The following HYAL3 variants were observed in gnomAD, a reference collection of about 807,000 sequenced individuals.
HYAL3 encodes hyaluronidase-3.
A neutral mutation model predicts 29.6 loss-of-function variants in HYAL3; 25 were observed. That is an observed-to-expected ratio of 0.85 (90% CI 0.62 to 1.18). The LOEUF is 1.18. HYAL3 is among the 50% of genes most tolerant of loss of function. The probability of loss-of-function intolerance (pLI) is 0.00; values close to 1 mark genes in which losing one functional copy is unlikely to be tolerated. For synonymous variants in HYAL3, 215 were observed against 218.3 expected, an observed-to-expected ratio of 0.99 and a Z score of 0.13; for missense variants, 442 against 548.4, an observed-to-expected ratio of 0.81 and a Z score of 1.94.
chr3:50,294,239 G>A (rs1436069180), intron 2 of HYAL3, among the ~76,000 whole-genome samples: 4 of 152,142 alleles, frequency 2.6e-5, no homozygotes, highest in East Asian at 1.9e-4. Flanking sequence ...AGTGAAGGCC[G>A]CAGTGAGCTG....
At chr3:50,294,661 A>G (rs782368343) in intron 2 of HYAL3, 48 bp downstream of exon 2, 422 of 1,444,548 alleles carry the variant, frequency 2.9e-4, no homozygotes, top group Non-Finnish European at 3.8e-4. Context: ...TTCCTAGAAC[A>G]GGGCCATACC....
In HYAL3 at chr3:50,295,224, C is replaced by G; in HGVS notation, c.379G>C (p.Asp127His). The G allele has an allele frequency of 1.9e-6, 3 of 1,613,800 alleles. No homozygotes were observed. Among genetic ancestry groups the G allele is most frequent in the Non-Finnish European group, 2.5e-6 (3 of 1,180,048 alleles). The change falls in exon 2 of 4, where the codon GAT (aspartate) becomes CAT (histidine). Residue 127 changes from aspartate to histidine, a missense_variant. Coordinates refer to ENST00000336307, the MANE Select transcript of HYAL3 (RefSeq NM_003549.4). ...RPGFAGPAVL[D>H]WEEWCPLWAG... is the part of the protein sequence containing the mutation. ...CAGAGTGGACACCACTCCTCCCAAT[C>G]CAGCACTGCTGGGCCAGCAAAGCCA...
In HYAL3 at chr3:50,293,095, C is replaced by A; in HGVS notation, c.*151G>T. ...TGGTTTTATAAGCGTTTTTTCTGGC[C>A]CCTTCTACCCCTCAGGGATTCCAAG... On this transcript the variant is annotated 3_prime_UTR_variant, in exon 4 of 4. Coordinates refer to ENST00000336307, the MANE Select transcript of HYAL3 (RefSeq NM_003549.4). The A allele has an allele frequency of 6.9e-7, 1 of 1,445,242 alleles. No homozygotes were observed. The allele number at this position is 1,445,242 out of a possible 1,614,324, so 89.5% of individuals were successfully genotyped here. A position where few individuals can be genotyped will look rare whatever the true frequency, so the allele number is the denominator to read the frequency against.
intron 1 of HYAL3, among the ~76,000 whole-genome samples, chr3:50,298,491 G>T (rs1701957310): frequency 2.0e-5 from 3 of 151,484 alleles, no homozygotes; most frequent in African/African-American, 7.3e-5. Flanking sequence ...ACTGGCTTGA[G>T]TTTCGCAGGC....
chr3:50,293,209 G>A lies in HYAL3; in HGVS notation c.*37C>T. 6.2e-7 allele frequency: 1 copy of A among 1,612,700 alleles called. No individual in the cohort carries two copies. The highest frequency in any genetic ancestry group is 8.5e-7 in the Non-Finnish European group (1 of 1,179,768). ...TAGTTCCAGGACTGGAAAAGTGGCA[G>A]CAGGGAAAAGAAGAGGCAGTGGCAG... On this transcript the variant is annotated 3_prime_UTR_variant, in exon 4 of 4. Transcript: ENST00000336307.
In HYAL3 at chr3:50,295,145, GC is replaced by G; in HGVS notation, c.457del (p.Ala153HisfsTer28). The G allele has an allele frequency of 6.2e-7, 1 of 1,613,530 alleles. No individual in the cohort carries two copies. Among genetic ancestry groups the G allele is most frequent in the Non-Finnish European group, 8.5e-7 (1 of 1,180,034 alleles). ...GTCCAGGTCAGGGAATACCTGCTGTGCCCAAGCCCAAGAGGCTGCCTGATAA... is the reference window on the plus strand; with the variant it reads ...GTCCAGGTCAGGGAATACCTGCTGTGCCAAGCCCAAGAGGCTGCCTGATAA... ...RAYQAASWAW[A>X]QQVFPDLDPQ... is the part of the protein sequence containing the mutation. On this transcript the variant is annotated frameshift_variant, in exon 2 of 4. Transcript: ENST00000336307. LOFTEE classifies it high-confidence loss of function.
Position 50,294,858 on chromosome 3 carries a change from G to A in HYAL3, c.745C>T (p.Pro249Ser). 1 of 1,543,918 alleles carries A rather than the reference G, an allele frequency of 6.5e-7. No homozygotes were observed. The highest frequency in any genetic ancestry group is 1.9e-5 in the Admixed American group (1 of 52,412). ...SALFPSIYLP[P>S]RLPPAHHQAF... ...TGGTGGTGGGCAGGTGGCAGCCTGG[G>A]TGGGAGGTAGATGCTGGGGAAGAGG... Residue 249 changes from proline (P) to serine (S), a missense_variant, in exon 2 of 4, where the codon CCC becomes TCC. By Grantham distance (74) the Pro-to-Ser change is moderately conservative. Transcript: ENST00000336307.
chr3:50,293,786 T>G, intron 2 of HYAL3, 65 bp from the exon 3 acceptor site: 2 of 1,303,012 alleles, frequency 1.5e-6, no homozygotes, highest in Non-Finnish European at 2.2e-6. Context: ...CACATCCACA[T>G]TCAAGAAACT....
At position 50,294,968 on chromosome 3, in the gene HYAL3, A is replaced by G. The variant is rs1553710764; in HGVS notation, c.635T>C (p.Met212Thr). ...GCAGCGGCCGGTATAGTTGGAAGCC[A>G]TACTATGCCAGCCATTGCCACAGGC... ...YPACGNGWHS[M>T]ASNYTGRCHA... Residue 212 changes from methionine (M) to threonine (T), a missense_variant, in exon 2 of 4, where the codon ATG (methionine) becomes ACG (threonine). Met to Thr is a moderately conservative substitution (Grantham distance 81, BLOSUM62 -1). Transcript: ENST00000336307. 1 of 1,612,710 alleles carries G rather than the reference A, an allele frequency of 6.2e-7. No individual in the cohort carries two copies. The highest frequency in any genetic ancestry group is 1.1e-5 in the South Asian group (1 of 91,038).
chr3:50,293,057 C>G lies in HYAL3; in HGVS notation c.*189G>C. On this transcript the variant is annotated 3_prime_UTR_variant, in exon 4 of 4. Coordinates refer to ENST00000336307, the MANE Select transcript of HYAL3 (RefSeq NM_003549.4). Reference sequence around the variant, plus strand: ...CCTTGCCATGGAGGACTCACATGATCTCAGAGGGCCTCTGGTTTTATAAGC... The same window carrying G: ...CCTTGCCATGGAGGACTCACATGATGTCAGAGGGCCTCTGGTTTTATAAGC... The G allele has an allele frequency of 7.1e-7, 1 of 1,413,614 alleles. No individual in the cohort carries two copies. The highest frequency in any genetic ancestry group is 9.8e-7 in the Non-Finnish European group (1 of 1,016,426). The allele number at this position is 1,413,614 out of a possible 1,614,324, so 87.6% of individuals were successfully genotyped here. A position where few individuals can be genotyped will look rare whatever the true frequency, so the allele number is the denominator to read the frequency against.
At chr3:50,296,513 A>AG in intron 1 of HYAL3, 1 of 1,430,034 alleles carries the variant, frequency 7.0e-7, no homozygotes. Context: ...CCCAGGGGCT[A>AG]GGGGCTGAGG....
chr3:50,297,780 G>C lies in HYAL3; in HGVS notation c.-18+1433C>G, dbSNP rs1701914303. ...CCATGCATACTGGAACTGGGGAGTG[G>C]TGGGCTGCACTTTGTCCCACACTCA... is the stretch of plus-strand genomic sequence containing the variant. On this transcript the variant is annotated intron_variant, in intron 1 of 3. Transcript: ENST00000336307. This position sits in a 1 kb window ranked among gnomAD's most constrained non-coding sequence, Gnocchi z 4.3. The C allele has an allele frequency of 8.0e-7, 1 of 1,242,544 alleles. No homozygotes were observed. Among genetic ancestry groups the C allele is most frequent in the Non-Finnish European group, 1.0e-6 (1 of 992,094 alleles). 77.0% of individuals were successfully genotyped at this position (1,242,544 alleles called of 1,614,324 possible).
rs1553710336 is a variant in HYAL3, at chr3:50,293,321, G to A, written c.1179C>T (p.Phe393=). The A allele has an allele frequency of 1.2e-6, 2 of 1,613,278 alleles. No homozygotes were observed. Among genetic ancestry groups the A allele is most frequent in the South Asian group, 1.1e-5 (1 of 91,082 alleles). The change falls in exon 4 of 4, where the codon TTC becomes TTT. Residue 393 remains phenylalanine (F), a synonymous_variant. Transcript: ENST00000336307. ...CCCAGCCCCAGTAACAGTGGCAGCT[G>A]AAGGACTTCCAATCTCCAAGGCTGC... The part of the protein sequence containing the change: ...PDGSLGDWKS[F]SCHCYWGWAG...
chr3:50,295,649 A>G, intron 1 of HYAL3, 30 bp from the exon 2 acceptor site: 2 of 1,497,684 alleles, frequency 1.3e-6, no homozygotes, highest in Non-Finnish European at 1.8e-6. Context: ...GTAAGCTTAG[A>G]GTCCGCAGCT....
Position 50,299,335 on chromosome 3 carries a change from C to T in HYAL3, c.-140G>A, listed in dbSNP as rs1702020523. ...GGCCCCCAGCGGTGCGGCGGATGTT[C>T]TGCAGCCGTCGCGTCCTGCGGCACG... On this transcript the variant is annotated 5_prime_UTR_variant, in exon 1 of 4. Coordinates refer to ENST00000336307, the MANE Select transcript of HYAL3 (RefSeq NM_003549.4). 1.3e-6 allele frequency: 2 copies of T among 1,585,594 alleles called. No individual in the cohort carries two copies. The highest frequency in any genetic ancestry group is 4.6e-5 in the East Asian group (2 of 43,468).
In HYAL3 at chr3:50,294,914, TGA is replaced by T. The variant is rs1553710740; in HGVS notation, c.687_688del (p.Gln230ThrfsTer70). On this transcript the variant is annotated frameshift_variant, in exon 2 of 4. Transcript: ENST00000336307. LOFTEE classifies it high-confidence loss of function. ...GGAGGCGGCCCAGAGCCAATGCAGT[TGA>T]GTGTTGCGGGCAAGGGTGGCTGCAT... 6 of 1,592,184 alleles carry T rather than the reference TGA, an allele frequency of 3.8e-6. No homozygotes were observed. The highest frequency in any genetic ancestry group is 1.7e-5 in the Admixed American group (1 of 59,206).
In HYAL3 at chr3:50,294,953, G is replaced by A. The variant is rs1701781220; in HGVS notation, c.650C>T (p.Thr217Ile). 3 of 1,610,462 alleles carry A rather than the reference G, an allele frequency of 1.9e-6. No homozygotes were observed. Among genetic ancestry groups the A allele is most frequent in the Middle Eastern group, 1.7e-4 (1 of 6,052 alleles). ...NGWHSMASNYTGRCHAATLAR... is the reference protein window; with the variant it reads ...NGWHSMASNYIGRCHAATLAR... ...AAGGGTGGCTGCATGGCAGCGGCCG[G>A]TATAGTTGGAAGCCATACTATGCCA... The change falls in exon 2 of 4, where the codon ACC (threonine) becomes ATC (isoleucine). Residue 217 changes from threonine (T) to isoleucine (I), a missense_variant. By Grantham distance (89) the Thr-to-Ile change is moderately conservative. Transcript: ENST00000336307.
Position 50,297,101 on chromosome 3 carries a change from C to T in HYAL3, c.-17-1482G>A. Reference sequence around the variant, plus strand: ...GCACCCGTGACAGGCGGGCATGGCCCACCACAACGGGTGCTGCTTCAAGTG... The same window carrying T: ...GCACCCGTGACAGGCGGGCATGGCCTACCACAACGGGTGCTGCTTCAAGTG... On this transcript the variant is annotated intron_variant, in intron 1 of 3. Transcript: ENST00000336307. This position sits in a 1 kb window ranked among gnomAD's most constrained non-coding sequence, Gnocchi z 4.3. 1 of 1,550,064 alleles carries T rather than the reference C, an allele frequency of 6.5e-7. No homozygotes were observed. Among genetic ancestry groups the T allele is most frequent in the Non-Finnish European group, 8.7e-7 (1 of 1,147,052 alleles).
chr3:50,295,666 A>T, intron 1 of HYAL3, 47 bp from the exon 2 acceptor site: 1 of 1,436,338 alleles, frequency 7.0e-7, no homozygotes, highest in South Asian at 1.5e-5. Context: ...AGCTATGGCC[A>T]CACCTTCCAC....
Sources: allele counts gnomAD v4.1 joint callset (sites outside exome capture counted in the v4.1 genomes callset), GRCh38; gene constraint gnomAD v4.1.1; non-coding constraint Gnocchi (gnomAD v3.1); transcripts MANE v1.5; gene names NCBI Gene and HGNC (gene_info 2026-07-23, HGNC 2026-07-21).